Variants in TRIM2 observed in about 807,000 individuals in gnomAD.
TRIM2 encodes tripartite motif-containing protein 2.
In TRIM2, 20 loss-of-function variants were observed where a neutral mutation model predicts 75.2. The ratio of observed to expected loss-of-function variants is 0.27; its 90% CI spans 0.19 to 0.39. The LOEUF is 0.39. Among genes scored for constraint, TRIM2 ranks in the 10% least tolerant of loss-of-function variants. TRIM2 has a pLI of 1.00. For missense variants in TRIM2, 660 were observed against 990.8 expected, an observed-to-expected ratio of 0.67 and a Z score of 4.48; for synonymous variants, 373 against 388.3, an observed-to-expected ratio of 0.96 and a Z score of 0.46.
rs572195398 is a variant in TRIM2 at position 153,295,573 on chromosome 4, C to A, written c.1047C>A (p.Asn349Lys). 1.9e-6 allele frequency: 3 copies of A among 1,613,442 alleles called. No individual in the cohort carries two copies. Among genetic ancestry groups the A allele is most frequent in the South Asian group, 2.2e-5 (2 of 90,986 alleles). Reference protein sequence around the residue: ...IHNLGTILTTNAVASETVATG... With the variant: ...IHNLGTILTTKAVASETVATG... ...ACCTCGGGACGATCTTAACCACCAA[C>A]GCCGTTGCCTCAGAGACAGTGGCCA... The change falls in exon 6 of 12, where the codon AAC becomes AAA. Residue 349 changes from asparagine (N) to lysine (K), a missense_variant. This residue lies in a region of TRIM2 where 620 missense variants were observed against 891.0 expected (regional missense o/e 0.70). Transcript: ENST00000338700. The surrounding 1 kb of genome is among the most constrained non-coding windows in gnomAD (Gnocchi z 7.2).
chr4:153,326,995 A>AAG (rs1561021969), intron 10 of TRIM2, among the ~76,000 whole-genome samples: 2 of 149,600 alleles, frequency 1.3e-5, no homozygotes, highest in Non-Finnish European at 3.0e-5. Flanking sequence ...AAAAAAAAAA[A>AAG]AAAGAAAGAA....
At position 153,293,147 on chromosome 4, in the gene TRIM2, C is replaced by T. The variant is rs773615327; in HGVS notation, c.605+14C>T. ...TGTCAACAAAAGGTGGGGGACCCCT[C>T]CCCAAACCCCCAACTGGCTGCCTGT... On this transcript the variant is annotated intron_variant, in intron 4 of 11. Coordinates refer to ENST00000338700, the MANE Select transcript of TRIM2 (RefSeq NM_015271.5). 8 of 1,593,102 alleles carry T rather than the reference C, an allele frequency of 5.0e-6. No individual in the cohort carries two copies. The highest frequency in any genetic ancestry group is 6.0e-6 in the Non-Finnish European group (7 of 1,164,922).
chr4:153,335,605 T>C lies in TRIM2; in HGVS notation c.*639T>C. Reference sequence around the variant, plus strand: ...TTTCTGGGTTAGACAAAGATCCTTTTTTGTGTGTTCTTTTCACCACCCCTT... The same window carrying C: ...TTTCTGGGTTAGACAAAGATCCTTTCTTGTGTGTTCTTTTCACCACCCCTT... On this transcript the variant is annotated 3_prime_UTR_variant, in exon 12 of 12. Transcript: ENST00000338700. 1 of 985,446 alleles carries C rather than the reference T, an allele frequency of 1.0e-6. No individual in the cohort carries two copies. Among genetic ancestry groups the C allele is most frequent in the Non-Finnish European group, 1.2e-6 (1 of 829,936 alleles). The allele number at this position is 985,446 out of a possible 1,614,324, so 61.0% of individuals were successfully genotyped here. A position where few individuals can be genotyped will look rare whatever the true frequency, so the allele number is the denominator to read the frequency against.
At chr4:153,237,216 G>A (rs1256409006) in intron 1 of TRIM2, among the ~76,000 whole-genome samples, 1 of 152,098 alleles carries the variant, frequency 6.6e-6, no homozygotes, top group Non-Finnish European at 1.5e-5. Flanking sequence ...TGCAATTGGA[G>A]CTGGAGTTGC....
intron 1 of TRIM2, among the ~76,000 whole-genome samples, chr4:153,179,744 T>A (rs1731854552): frequency 6.6e-6 from 1 of 152,122 alleles, no homozygotes; most frequent in African/African-American, 2.4e-5. Flanking sequence ...CTGAGAGTTT[T>A]TAAAGGGGTG....
At chr4:153,221,772 AAG>A (rs1740111884) in intron 1 of TRIM2, among the ~76,000 whole-genome samples, 1 of 130,566 alleles carries the variant, frequency 7.7e-6, no homozygotes, top group South Asian at 2.7e-4. Flanking sequence ...ATAAGGAAGG[AAG>A]GAAAGAAGAA....
At chr4:153,259,502 T>C in intron 1 of TRIM2, among the ~76,000 whole-genome samples, 1 of 152,346 alleles carries the variant, frequency 6.6e-6, no homozygotes, top group Non-Finnish European at 1.5e-5. Flanking sequence ...ATATTTGAGG[T>C]ATTATTGAAA....
chr4:153,319,893 G>A (rs1177036998), intron 8 of TRIM2, among the ~76,000 whole-genome samples: 13 of 152,230 alleles, frequency 8.5e-5, no homozygotes, highest in Middle Eastern at 6.8e-3. Context: ...TTGGTTCAAT[G>A]TTTAAGTTAT....
intron 6 of TRIM2, among the ~76,000 whole-genome samples, chr4:153,304,810 C>T (rs1305672601): frequency 6.6e-6 from 1 of 152,208 alleles, no homozygotes; most frequent in Admixed American, 6.5e-5. Context: ...GCTACTTATG[C>T]ACACTAAGGT....
intron 6 of TRIM2, among the ~76,000 whole-genome samples, chr4:153,309,237 T>A (rs187906560): frequency 6.6e-6 from 1 of 152,122 alleles, no homozygotes; most frequent in African/African-American, 2.4e-5. Flanking sequence ...GAAGAAGCCA[T>A]GTGTGTATTG....
Position 153,306,796 on chromosome 4 carries a change from C to T in TRIM2, c.1511-8689C>T, listed in dbSNP as rs116261168. On this transcript the variant is annotated intron_variant, in intron 6 of 11. Transcript: ENST00000338700. ...GGCCTGGATGAAAGCATTTACACTGCAGAAATGGGAAATGCTACATATCAG... is the reference window on the plus strand; with the variant it reads ...GGCCTGGATGAAAGCATTTACACTGTAGAAATGGGAAATGCTACATATCAG... 6.7e-3 allele frequency among the ~76,000 whole-genome samples: 1,027 copies of T among 152,282 alleles called. 12 individuals are homozygous for T. The highest frequency in any genetic ancestry group is 0.023 in the African/African-American group (968 of 41,540).
chr4:153,188,286 G>A (rs948561630), intron 1 of TRIM2, among the ~76,000 whole-genome samples: 1 of 152,074 alleles, frequency 6.6e-6, no homozygotes, highest in Non-Finnish European at 1.5e-5. Flanking sequence ...ATGGTGAAAC[G>A]CCTTCTCTAC....
Position 153,295,337 on chromosome 4 carries a change from C to T in TRIM2, c.811C>T (p.Leu271=). The change falls in exon 6 of 12, where the codon CTG becomes TTG. Residue 271 remains leucine (L), a synonymous_variant. Coordinates refer to ENST00000338700, the MANE Select transcript of TRIM2 (RefSeq NM_015271.5). The surrounding 1 kb of genome is among the most constrained non-coding windows in gnomAD (Gnocchi z 7.2). ...GGTCCTCCAGTCGCAGCTGGATACT[C>T]TGCTCCAGGGGCAGGAGAGCATTAA... is the stretch of plus-strand genomic sequence containing the variant. The part of the protein sequence containing the change: ...HKVLQSQLDT[L]LQGQESIKSC... 1 of 1,608,112 alleles carries T rather than the reference C, an allele frequency of 6.2e-7. No individual in the cohort carries two copies. Among genetic ancestry groups the T allele is most frequent in the Non-Finnish European group, 8.5e-7 (1 of 1,176,906 alleles).
intron 1 of TRIM2, among the ~76,000 whole-genome samples, chr4:153,190,041 T>C (rs991604308): frequency 9.9e-5 from 15 of 152,220 alleles, no homozygotes; most frequent in African/African-American, 3.6e-4. Context: ...CAGATGGGCA[T>C]ATAATAGAAC....
At chr4:153,232,278 C>T (rs950416180) in intron 1 of TRIM2, among the ~76,000 whole-genome samples, 3 of 151,928 alleles carry the variant, frequency 2.0e-5, no homozygotes, top group East Asian at 3.9e-4. Flanking sequence ...TTTGGGAGGC[C>T]GAGGCAGGCA....
At chr4:153,202,564 C>T (rs1420522077), upstream of TRIM2, among the ~76,000 whole-genome samples, 11 of 151,890 alleles carry the variant, frequency 7.2e-5, no homozygotes, top group East Asian at 1.9e-4. Flanking sequence ...CCGGGCATGG[C>T]GGCATGCGCC....
intron 1 of TRIM2, among the ~76,000 whole-genome samples, chr4:153,249,518 C>T (rs377069009): frequency 3.9e-5 from 6 of 152,292 alleles, no homozygotes; most frequent in African/African-American, 1.4e-4. Flanking sequence ...TAAAAGTAAT[C>T]CACTATCTGG....
chr4:153,262,830 G>A (rs923845822), intron 1 of TRIM2, among the ~76,000 whole-genome samples: 6 of 152,214 alleles, frequency 3.9e-5, no homozygotes, highest in Non-Finnish European at 7.3e-5. Flanking sequence ...ACAGCATGGA[G>A]GTTAGAAGCA....
chr4:153,328,443 C>T (rs1770719641), intron 10 of TRIM2, 87 bp from the exon 11 acceptor site: 23 of 1,214,458 alleles, frequency 1.9e-5, no homozygotes, highest in Non-Finnish European at 2.5e-5. Flanking sequence ...TTATAAATAA[C>T]CTGCTCAAAT....
Sources: gnomAD v4.1 joint callset for allele counts (sites outside exome capture counted in the v4.1 genomes callset) on GRCh38, gnomAD v4.1.1 for gene constraint, gnomAD v4.1.1 regional missense constraint, Gnocchi (gnomAD v3.1) non-coding constraint, MANE v1.5 for transcripts, NCBI Gene and HGNC (gene_info 2026-07-23, HGNC 2026-07-21) for gene names.